Variants in PLXDC2 observed in about 807,000 individuals in gnomAD.
The protein encoded by PLXDC2 is plexin domain-containing protein 2.
In PLXDC2, 40 loss-of-function variants were observed where a neutral mutation model predicts 68.9. The observed-to-expected ratio is 0.58, with a 90% CI of 0.45 to 0.76. PLXDC2 has a LOEUF of 0.76. PLXDC2 is among the 30% of genes least tolerant of loss of function. The probability of loss-of-function intolerance (pLI) is 0.00; values close to 1 mark genes in which losing one functional copy is unlikely to be tolerated. For synonymous variants in PLXDC2, 243 were observed against 234.2 expected (o/e 1.04, Z -0.34); for missense variants, 644 against 661.9 (o/e 0.97, Z 0.30).
chr10:20,075,925 G>A (rs1479078386), intron 4 of PLXDC2, among the ~76,000 whole-genome samples: 1 of 152,120 alleles, frequency 6.6e-6, no homozygotes, highest in African/African-American at 2.4e-5. Flanking sequence ...CCTTACGGAT[G>A]TTTATACCAG....
chr10:20,064,224 C>CTT (rs368874136), intron 3 of PLXDC2, among the ~76,000 whole-genome samples: 7 of 138,744 alleles, frequency 5.0e-5, no homozygotes, highest in African/African-American at 1.3e-4. Context: ...CATTTCTTTT[C>CTT]TTTTTTTTTT....
intron 1 of PLXDC2, among the ~76,000 whole-genome samples, chr10:19,883,973 C>G (rs1029761499): frequency 7.3e-6 from 1 of 136,274 alleles, no homozygotes; most frequent in African/African-American, 2.8e-5. Flanking sequence ...TCTCGGCTCA[C>G]TGCAGCCTCA....
At chr10:20,210,698 A>G (rs894552558) in intron 9 of PLXDC2, among the ~76,000 whole-genome samples, 1 of 152,216 alleles carries the variant, frequency 6.6e-6, no homozygotes, top group African/African-American at 2.4e-5. Context: ...CAGGAAAAAG[A>G]GATGAGTTAA....
chr10:19,949,185 T>C (rs1833955908), intron 1 of PLXDC2, among the ~76,000 whole-genome samples: 3 of 151,558 alleles, frequency 2.0e-5, no homozygotes, highest in Admixed American at 2.0e-4. Context: ...TTTAAAGCTA[T>C]TTTAATGTAT....
intron 13 of PLXDC2, among the ~76,000 whole-genome samples, chr10:20,269,365 TATG>T (rs1455496830): frequency 6.6e-6 from 1 of 152,080 alleles, no homozygotes; most frequent in Non-Finnish European, 1.5e-5. Flanking sequence ...ACATCAAAGA[TATG>T]ATCAATATTG....
intron 1 of PLXDC2, among the ~76,000 whole-genome samples, chr10:19,984,446 C>A (rs763136420): frequency 2.6e-5 from 4 of 152,188 alleles, no homozygotes; most frequent in Admixed American, 2.0e-4. Flanking sequence ...ACATGCCATT[C>A]TCTGTAAACA....
At chr10:20,233,910 T>C (rs557161407) in intron 12 of PLXDC2, among the ~76,000 whole-genome samples, 11 of 152,214 alleles carry the variant, frequency 7.2e-5, no homozygotes, top group Admixed American at 2.0e-4. Context: ...AGCCTGGAAC[T>C]CTTGGGCTCA....
intron 12 of PLXDC2, among the ~76,000 whole-genome samples, chr10:20,231,439 T>C (rs915761083): frequency 5.3e-5 from 8 of 151,514 alleles, no homozygotes; most frequent in Non-Finnish European, 1.2e-4. Flanking sequence ...TAAATGTTTA[T>C]ACTAGAAAGG....
chr10:20,267,838 A>G (rs1462182627), intron 13 of PLXDC2, among the ~76,000 whole-genome samples: 2 of 141,158 alleles, frequency 1.4e-5, no homozygotes, highest in African/African-American at 5.5e-5. Context: ...TTGCTTTTTT[A>G]TCTTTTTTTT....
At chr10:19,977,323 C>A (rs970629422) in intron 1 of PLXDC2, among the ~76,000 whole-genome samples, 9 of 152,144 alleles carry the variant, frequency 5.9e-5, no homozygotes, top group Admixed American at 1.3e-4. Flanking sequence ...GAATCTCTGG[C>A]CTAACCTCAA....
At chr10:19,901,115 C>G (rs551828676) in intron 1 of PLXDC2, among the ~76,000 whole-genome samples, 2 of 151,770 alleles carry the variant, frequency 1.3e-5, no homozygotes, top group Non-Finnish European at 2.9e-5. Flanking sequence ...TTTGCAATTG[C>G]AAATTGTGCT....
chr10:19,891,304 T>C lies in PLXDC2; in HGVS notation c.112+74113T>C, dbSNP rs561592141. 2.6e-5 allele frequency among the ~76,000 whole-genome samples: 4 copies of C among 152,346 alleles called. No individual in the cohort carries two copies. In the East Asian group the frequency reaches 5.8e-4, roughly 22 times the overall value. ...CTCCATGTGGGTAAAAGCACACGATTTCTTGGCTTTCCATTTTTCTGTGTC... is the reference window on the plus strand; with the variant it reads ...CTCCATGTGGGTAAAAGCACACGATCTCTTGGCTTTCCATTTTTCTGTGTC... On this transcript the variant is annotated intron_variant, in intron 1 of 13. Transcript: ENST00000377252.
intron 12 of PLXDC2, among the ~76,000 whole-genome samples, chr10:20,235,904 G>A (rs1243424361): frequency 3.3e-5 from 5 of 152,162 alleles, no homozygotes; most frequent in Middle Eastern, 3.4e-3. Context: ...GTGCTTCGTC[G>A]GCCTATTTTT....
In PLXDC2 at chr10:20,048,153, C is replaced by T. The variant is rs565101987; in HGVS notation, c.471+1138C>T. Among the ~76,000 whole-genome samples the T allele has an allele frequency of 1.8e-4, 28 of 152,178 alleles. No homozygotes were observed. The East Asian group carries it at 1.9e-3, about 10-fold the overall frequency. ...CAATGGCTGAAGTTATTTAAAGAGG[C>T]ATTGATTTGATAAATGTTAAATATC... On this transcript the variant is annotated intron_variant, in intron 3 of 13. Coordinates refer to ENST00000377252, the MANE Select transcript of PLXDC2 (RefSeq NM_032812.9).
At chr10:20,238,662 A>AAAATATATATATATGT (rs1175526348) in intron 12 of PLXDC2, among the ~76,000 whole-genome samples, 2 of 31,726 alleles carry the variant, frequency 6.3e-5, no homozygotes, top group East Asian at 5.0e-4. Context: ...TCTCAAAAAA[A>AAAATATATATATATGT]ATATATATAT....
intron 1 of PLXDC2, among the ~76,000 whole-genome samples, chr10:19,949,191 T>C (rs1350181699): frequency 6.6e-6 from 1 of 150,666 alleles, no homozygotes; most frequent in East Asian, 2.0e-4. Flanking sequence ...GCTATTTTAA[T>C]GTATAAAACA....
intron 3 of PLXDC2, among the ~76,000 whole-genome samples, chr10:20,051,808 A>G (rs1835906728): frequency 1.3e-5 from 2 of 152,118 alleles, no homozygotes; most frequent in South Asian, 4.1e-4. Flanking sequence ...CTTGGACTCT[A>G]TAGCAGGGGT....
chr10:19,853,453 G>A (rs1837157343), intron 1 of PLXDC2, among the ~76,000 whole-genome samples: 1 of 151,100 alleles, frequency 6.6e-6, no homozygotes, highest in Non-Finnish European at 1.5e-5. Flanking sequence ...ATGAGGTCTC[G>A]CTATGTTGCC....
chr10:20,274,757 G>A (rs528732099), intron 13 of PLXDC2, among the ~76,000 whole-genome samples: 3 of 151,668 alleles, frequency 2.0e-5, no homozygotes, highest in East Asian at 1.9e-4. Context: ...CACAGGAGCC[G>A]TTTGTTTTAA....
Sources: gnomAD v4.1 joint callset for allele counts (sites outside exome capture counted in the v4.1 genomes callset) on GRCh38, gnomAD v4.1.1 for gene constraint, MANE v1.5 for transcripts, NCBI Gene and HGNC (gene_info 2026-07-23, HGNC 2026-07-21) for gene names.